TFR2: variants seen among roughly 807,000 people sequenced by gnomAD.
The protein encoded by TFR2 is transferrin receptor protein 2.
Under a neutral mutation model 91.9 loss-of-function variants are expected in TFR2, and 64 were observed. The observed-to-expected ratio is 0.70, with a 90% CI of 0.57 to 0.86. TFR2 has a LOEUF of 0.86. TFR2 is among the 40% of genes least tolerant of loss of function. TFR2 has a pLI of 0.00. For missense variants in TFR2, 950 were observed against 1,080.5 expected (o/e 0.88, Z 1.69); for synonymous variants, 454 against 459.6 (o/e 0.99, Z 0.15).
Position 100,627,706 on chromosome 7 carries a change from C to A in TFR2, c.1682+38G>T, listed in dbSNP as rs749077194. 9.3e-6 allele frequency: 15 copies of A among 1,613,968 alleles called. No homozygotes were observed. In the South Asian group the frequency reaches 1.6e-4, roughly 18 times the overall value. ...AGCGATCTGTGGGTTCAGGCTCCCCCACATCCCTCCCCAGCTCTCCCTACC... is the reference window on the plus strand; with the variant it reads ...AGCGATCTGTGGGTTCAGGCTCCCCAACATCCCTCCCCAGCTCTCCCTACC... On this transcript the variant is annotated intron_variant, in intron 14 of 17. Coordinates refer to ENST00000223051, the MANE Select transcript of TFR2 (RefSeq NM_003227.4).
chr7:100,620,648 C>T lies in TFR2; in HGVS notation c.*209G>A, dbSNP rs929734010. On this transcript the variant is annotated 3_prime_UTR_variant, in exon 18 of 18. Transcript: ENST00000223051. The stretch of plus-strand genomic sequence containing the variant: ...CTCTCTGATTAACCGACAGTATGAC[C>T]GTCACATTAGGGTCAGCTACACTGC... 12 of 618,364 alleles carry T rather than the reference C, an allele frequency of 1.9e-5. No homozygotes were observed. Among genetic ancestry groups the T allele is most frequent in the Non-Finnish European group, 3.3e-5 (12 of 358,328 alleles). 38.3% of individuals were successfully genotyped at this position (618,364 alleles called of 1,614,324 possible).
intron 17 of TFR2, among the ~76,000 whole-genome samples, chr7:100,622,970 CCAAACAAACAAA>C (rs3991183): frequency 6.7e-6 from 1 of 149,552 alleles, no homozygotes; most frequent in African/African-American, 2.5e-5. Flanking sequence ...GAAAACAAAA[CCAAACAAACAAA>C]CAAACAAACA....
Position 100,628,545 on chromosome 7 carries a change from A to G in TFR2, c.1391-239T>C, listed in dbSNP as rs561100215. Among the ~76,000 whole-genome samples the G allele has an allele frequency of 3.9e-4, 59 of 149,960 alleles. No individual in the cohort carries two copies. The East Asian group carries it at 0.012, about 30-fold the overall frequency. On this transcript the variant is annotated intron_variant, in intron 10 of 17. Transcript: ENST00000223051. ...CTCCCAAGTAGCTGGGATTACAGGC[A>G]TGCACCACTAAGTCCAGCCAATTTT...
At chr7:100,637,791 T>C (rs1803602906) in intron 3 of TFR2, among the ~76,000 whole-genome samples, 1 of 151,508 alleles carries the variant, frequency 6.6e-6, no homozygotes, top group Admixed American at 6.6e-5. Flanking sequence ...CTAGCCTAGG[T>C]GACAGAGCAA....
At chr7:100,635,896 C>A (rs140827415) in intron 3 of TFR2, among the ~76,000 whole-genome samples, 258 of 152,230 alleles carry the variant, frequency 1.7e-3, no homozygotes, top group African/African-American at 5.5e-3. Context: ...CCACACTGAG[C>A]CTCACATCCT....
At chr7:100,629,164 G>T in intron 10 of TFR2, 89 bp downstream of exon 10, 1 of 1,550,298 alleles carries the variant, frequency 6.5e-7, no homozygotes, top group Non-Finnish European at 8.9e-7. Flanking sequence ...TGGCCAGTCT[G>T]TGTCCCTCAC....
In TFR2 at chr7:100,633,397, C is replaced by G; in HGVS notation, c.614+19G>C. 1.2e-6 allele frequency: 2 copies of G among 1,605,186 alleles called. No individual in the cohort carries two copies. The highest frequency in any genetic ancestry group is 1.7e-5 in the Admixed American group (1 of 58,934). On this transcript the variant is annotated intron_variant, in intron 4 of 17. Coordinates refer to ENST00000223051, the MANE Select transcript of TFR2 (RefSeq NM_003227.4). ...CGCGTCCCCCTCCCCGCGCGCCCCC[C>G]GCCCGCGCGCGCACTCACGGATCCG...
chr7:100,635,250 T>A (rs1404188564), intron 3 of TFR2, among the ~76,000 whole-genome samples: 2 of 151,422 alleles, frequency 1.3e-5, no homozygotes, highest in African/African-American at 4.9e-5. Context: ...CCTTTTCTTT[T>A]CTTTTTTTGG....
intron 9 of TFR2, among the ~76,000 whole-genome samples, chr7:100,630,508 T>C (rs929464002): frequency 6.6e-6 from 1 of 152,194 alleles, no homozygotes; most frequent in Non-Finnish European, 1.5e-5. Context: ...CAAGCTGGTC[T>C]CAAACTCCTG....
chr7:100,629,129 T>C, intron 10 of TFR2, 124 bp downstream of exon 10: 1 of 1,280,720 alleles, frequency 7.8e-7, no homozygotes. Flanking sequence ...AGGTACAATG[T>C]GGATGCCGAG....
At chr7:100,621,530 A>G (rs992676979) in intron 17 of TFR2, among the ~76,000 whole-genome samples, 2 of 152,224 alleles carry the variant, frequency 1.3e-5, no homozygotes, top group African/African-American at 4.8e-5. Context: ...CTGGGATTAC[A>G]GGTGTGAGCC....
intron 10 of TFR2, 87 bp downstream of exon 10, chr7:100,629,166 G>A (rs930445741): frequency 3.0e-5 from 46 of 1,559,180 alleles, no homozygotes; most frequent in Non-Finnish European, 3.9e-5. Context: ...GCCAGTCTGT[G>A]TCCCTCACTG....
At chr7:100,631,197 A>G (rs1403055172) in intron 8 of TFR2, 145 bp from the exon 9 acceptor site, 2 of 958,810 alleles carry the variant, frequency 2.1e-6, no homozygotes, top group Admixed American at 3.0e-5. Flanking sequence ...CAGTGCAGTC[A>G]GGGCTGCCTT....
chr7:100,641,493 C>A lies in TFR2; in HGVS notation c.17G>T (p.Gly6Val). 1.2e-6 allele frequency: 2 copies of A among 1,613,858 alleles called. No individual in the cohort carries two copies. Among genetic ancestry groups the A allele is most frequent in the East Asian group, 2.2e-5 (1 of 44,848 alleles). Residue 6 changes from glycine (G) to valine (V), a missense_variant, in exon 1 of 18, where the codon GGT (glycine) becomes GTT (valine). Coordinates refer to ENST00000223051, the MANE Select transcript of TFR2 (RefSeq NM_003227.4). MERLWGLFQRAQQLSP... is the reference protein window; with the variant it reads MERLWVLFQRAQQLSP... ...TAGTCTTACCGCTCTCTGGAATAGA[C>A]CCCAAAGCCGCTCCATGCTTGTGTC...
rs758467989 is a variant in TFR2 at position 100,633,008 on chromosome 7, G to A, written c.842C>T (p.Ala281Val). Residue 281 changes from alanine to valine, a missense_variant, in exon 6 of 18, where the codon GCC becomes GTC. Coordinates refer to ENST00000223051, the MANE Select transcript of TFR2 (RefSeq NM_003227.4). Reference sequence around the variant, plus strand: ...CTGTCCAGGGACACTTACCTTCTGGGCGAAGCTGATCACCCCCACGCGCAC... The same window carrying A: ...CTGTCCAGGGACACTTACCTTCTGGACGAAGCTGATCACCCCCACGCGCAC... The part of the protein sequence containing the change: ...LLVRVGVISF[A>V]QKVTNAQDFG... 1 of 1,613,702 alleles carries A rather than the reference G, an allele frequency of 6.2e-7. No individual in the cohort carries two copies. Among genetic ancestry groups the A allele is most frequent in the South Asian group, 1.1e-5 (1 of 91,084 alleles).
chr7:100,623,887 C>CAAAAA (rs36052130), intron 17 of TFR2, among the ~76,000 whole-genome samples: 10 of 96,448 alleles, frequency 1.0e-4, no homozygotes, highest in African/African-American at 3.5e-4. Context: ...CCTTCTCTAC[C>CAAAAA]AAAAAAAAAA....
At chr7:100,622,419 A>G (rs925870976) in intron 17 of TFR2, among the ~76,000 whole-genome samples, 4 of 152,132 alleles carry the variant, frequency 2.6e-5, no homozygotes, top group Non-Finnish European at 5.9e-5. Flanking sequence ...GCCCACACTC[A>G]TGTGGCCCAT....
chr7:100,629,117 T>G, intron 10 of TFR2, 136 bp downstream of exon 10: 1 of 1,182,366 alleles, frequency 8.5e-7, no homozygotes, highest in Non-Finnish European at 1.2e-6. Flanking sequence ...CCAGGGCCAC[T>G]CAGGTACAAT....
At chr7:100,629,220 TAGCCCA>T (rs777130912) in intron 10 of TFR2, 27 bp downstream of exon 10, 15 of 1,612,470 alleles carry the variant, frequency 9.3e-6, no homozygotes, top group Non-Finnish European at 1.3e-5. Context: ...CACCGCTGCC[TAGCCCA>T]GGCCCAGGCC....
Sources: gnomAD v4.1 joint callset for allele counts (sites outside exome capture counted in the v4.1 genomes callset) on GRCh38, gnomAD v4.1.1 for gene constraint, MANE v1.5 for transcripts, NCBI Gene and HGNC (gene_info 2026-07-23, HGNC 2026-07-21) for gene names.